ZRANB3: variants seen among roughly 807,000 people sequenced by gnomAD.
ZRANB3 encodes DNA annealing helicase and endonuclease ZRANB3.
ZRANB3 carries 125 observed loss-of-function variants against 133.8 expected under a neutral mutation model. The observed-to-expected ratio is 0.93, with a 90% CI of 0.81 to 1.08. ZRANB3 has a LOEUF of 1.08. Ranked by LOEUF, ZRANB3 falls within the 50% of genes least tolerant of loss-of-function variation. The pLI is 0.00. For missense variants in ZRANB3, 1,229 were observed against 1,275.5 expected, an observed-to-expected ratio of 0.96 and a Z score of 0.56; for synonymous variants, 387 against 432.7, an observed-to-expected ratio of 0.89 and a Z score of 1.31.
chr2:135,431,354 C>T (rs900191336), intron 2 of ZRANB3, among the ~76,000 whole-genome samples: 2 of 150,024 alleles, frequency 1.3e-5, no homozygotes, highest in South Asian at 4.2e-4. Context: ...TATATATTAC[C>T]AAATATTATA....
At chr2:135,343,430 T>C (rs1684785859) in intron 6 of ZRANB3, among the ~76,000 whole-genome samples, 1 of 149,884 alleles carries the variant, frequency 6.7e-6, no homozygotes, top group Non-Finnish European at 1.5e-5. Context: ...ATTTCTGCAT[T>C]TGTAGTCTCG....
At chr2:135,334,440 A>G (rs1162492784) in intron 6 of ZRANB3, among the ~76,000 whole-genome samples, 1 of 152,170 alleles carries the variant, frequency 6.6e-6, no homozygotes, top group Non-Finnish European at 1.5e-5. Context: ...TTTCAAACAT[A>G]TCTCTGCCAT....
chr2:135,519,736 C>T (rs899597375), intron 1 of ZRANB3, among the ~76,000 whole-genome samples: 4 of 152,124 alleles, frequency 2.6e-5, no homozygotes, highest in Admixed American at 1.3e-4. Context: ...AGACATTGTG[C>T]TAGGCTCCAG....
At chr2:135,316,614 G>A (rs756191771) in intron 6 of ZRANB3, among the ~76,000 whole-genome samples, 10 of 152,122 alleles carry the variant, frequency 6.6e-5, no homozygotes, top group Non-Finnish European at 1.3e-4. Context: ...TGTGGAACTC[G>A]TTAACATTAG....
At chr2:135,329,028 T>C (rs1012705899) in intron 6 of ZRANB3, among the ~76,000 whole-genome samples, 2 of 152,226 alleles carry the variant, frequency 1.3e-5, no homozygotes, top group Non-Finnish European at 2.9e-5. Flanking sequence ...ACTCTGATGA[T>C]AGTTTCTTTT....
At chr2:135,401,955 ATAC>A (rs1298651240) in intron 2 of ZRANB3, among the ~76,000 whole-genome samples, 1 of 152,214 alleles carries the variant, frequency 6.6e-6, no homozygotes, top group Non-Finnish European at 1.5e-5. Flanking sequence ...CTGCCAAATA[ATAC>A]TATCATATTA....
intron 2 of ZRANB3, among the ~76,000 whole-genome samples, chr2:135,423,468 C>T (rs1307908471): frequency 2.0e-5 from 3 of 152,122 alleles, no homozygotes; most frequent in Non-Finnish European, 4.4e-5. Flanking sequence ...TAAATTTCTC[C>T]TTGTAAAACC....
At chr2:135,356,465 C>T (rs1481318615) in intron 3 of ZRANB3, among the ~76,000 whole-genome samples, 3 of 151,590 alleles carry the variant, frequency 2.0e-5, no homozygotes, top group Admixed American at 6.6e-5. Context: ...TTTAGGTTGA[C>T]GACAGGCGAA....
Position 135,200,188 on chromosome 2 carries a change from T to C in ZRANB3, c.*154A>G, listed in dbSNP as rs1343391373. On this transcript the variant is annotated 3_prime_UTR_variant, in exon 21 of 21. Transcript: ENST00000264159. Reference sequence around the variant, plus strand: ...TCTGTTAAGTACTTTCAAAATGTATTTAATACTAAAAGTAATTAGTAGAAG... The same window carrying C: ...TCTGTTAAGTACTTTCAAAATGTATCTAATACTAAAAGTAATTAGTAGAAG... 2 of 684,194 alleles carry C rather than the reference T, an allele frequency of 2.9e-6. No individual in the cohort carries two copies. Among genetic ancestry groups the C allele is most frequent in the Non-Finnish European group, 5.2e-6 (2 of 385,844 alleles). The allele number at this position is 684,194 out of a possible 1,614,324, so 42.4% of individuals were successfully genotyped here. A position where few individuals can be genotyped will look rare whatever the true frequency, so the allele number is the denominator to read the frequency against.
intron 6 of ZRANB3, among the ~76,000 whole-genome samples, chr2:135,319,717 G>A (rs1683428651): frequency 2.0e-5 from 3 of 152,074 alleles, no homozygotes; most frequent in Admixed American, 2.0e-4. Context: ...CCCATTACCA[G>A]GATTATTTCT....
At chr2:135,360,101 AG>A (rs1347145047) in intron 3 of ZRANB3, among the ~76,000 whole-genome samples, 3 of 152,196 alleles carry the variant, frequency 2.0e-5, no homozygotes, top group African/African-American at 7.2e-5. Context: ...TTTTAAGGCC[AG>A]GAACAGTGGC....
chr2:135,422,468 G>A (rs911278051), intron 2 of ZRANB3, among the ~76,000 whole-genome samples: 3 of 151,128 alleles, frequency 2.0e-5, no homozygotes, highest in African/African-American at 7.3e-5. Context: ...ATATTCTTCT[G>A]GTATCTTTCT....
chr2:135,332,440 G>A, intron 6 of ZRANB3, among the ~76,000 whole-genome samples: 1 of 152,010 alleles, frequency 6.6e-6, no homozygotes, highest in East Asian at 1.9e-4. Context: ...TTGTATTGCC[G>A]GCAGCTCTGA....
chr2:135,289,605 A>T (rs1455296849), intron 8 of ZRANB3, among the ~76,000 whole-genome samples: 1 of 152,184 alleles, frequency 6.6e-6, no homozygotes, highest in Non-Finnish European at 1.5e-5. Context: ...AGTACTTGAT[A>T]CAATGTGATT....
Position 135,422,589 on chromosome 2 carries a change from G to A in ZRANB3, c.162-31769C>T, listed in dbSNP as rs867175232. ...GAAAGGAGATGAACACTTGAAAAGCGCCTTAACAGAAAAGAATGGGGAATT... is the reference window on the plus strand; with the variant it reads ...GAAAGGAGATGAACACTTGAAAAGCACCTTAACAGAAAAGAATGGGGAATT... On this transcript the variant is annotated intron_variant, in intron 2 of 20. Transcript: ENST00000264159. Among the ~76,000 whole-genome samples the A allele has an allele frequency of 1.0e-3, 159 of 152,166 alleles. 1 individual carries two copies. Among genetic ancestry groups the A allele is most frequent in the Middle Eastern group, 6.8e-3 (2 of 294 alleles).
chr2:135,285,811 A>T (rs113561304), intron 8 of ZRANB3, among the ~76,000 whole-genome samples: 118 of 152,360 alleles, frequency 7.7e-4, no homozygotes, highest in African/African-American at 2.6e-3. Context: ...AGATGGCTAG[A>T]CCATATGTAA....
At chr2:135,387,200 C>T (rs1005836408) in intron 3 of ZRANB3, among the ~76,000 whole-genome samples, 1 of 151,934 alleles carries the variant, frequency 6.6e-6, no homozygotes, top group Non-Finnish European at 1.5e-5. Flanking sequence ...ATTGCTCTCC[C>T]AAGGCTTTTC....
At chr2:135,481,064 G>A (rs996482711) in intron 2 of ZRANB3, among the ~76,000 whole-genome samples, 21 of 151,918 alleles carry the variant, frequency 1.4e-4, no homozygotes, top group African/African-American at 1.7e-4. Context: ...GAATAATGCC[G>A]CAATAAACAT....
chr2:135,286,955 T>G (rs760502778), intron 8 of ZRANB3, among the ~76,000 whole-genome samples: 2 of 152,240 alleles, frequency 1.3e-5, no homozygotes, highest in Non-Finnish European at 2.9e-5. Flanking sequence ...TTTGTTTTTG[T>G]TGCATTTGCT....
Sources: allele counts gnomAD v4.1 joint callset (sites outside exome capture counted in the v4.1 genomes callset), GRCh38; gene constraint gnomAD v4.1.1; transcripts MANE v1.5; gene names NCBI Gene and HGNC (gene_info 2026-07-23, HGNC 2026-07-21).